EPHB1: variants seen among roughly 807,000 people sequenced by gnomAD.
The protein encoded by EPHB1 is EPH receptor B1.
In EPHB1, 30 loss-of-function variants were observed where a neutral mutation model predicts 94.4. That is an observed-to-expected ratio of 0.32 (90% CI 0.24 to 0.43). EPHB1 has a LOEUF of 0.43. Ranked by LOEUF, EPHB1 falls within the 20% of genes least tolerant of loss-of-function variation. The pLI, the probability that EPHB1 is intolerant of heterozygous loss-of-function variation, is 1.00. For missense variants in EPHB1, 1,055 were observed against 1,308.3 expected (o/e 0.81, Z 2.99); for synonymous variants, 522 against 489.1 (o/e 1.07, Z -0.89).
At chr3:135,071,942 G>T (rs1469716984) in intron 3 of EPHB1, among the ~76,000 whole-genome samples, 1 of 152,116 alleles carries the variant, frequency 6.6e-6, no homozygotes, top group Non-Finnish European at 1.5e-5. Flanking sequence ...TGATTCCTCT[G>T]CTCAACATCT....
intron 1 of EPHB1, among the ~76,000 whole-genome samples, chr3:134,893,113 G>A (rs72986003): frequency 0.017 from 2,582 of 152,156 alleles, 66 homozygotes; most frequent in African/African-American, 0.059. Flanking sequence ...TCCCCAGTAC[G>A]GTCCACCTCC....
chr3:135,178,632 G>T (rs1039710260), intron 9 of EPHB1, among the ~76,000 whole-genome samples: 2 of 152,066 alleles, frequency 1.3e-5, no homozygotes, highest in African/African-American at 4.8e-5. Context: ...GTCAAAACTA[G>T]AGCTGGGGGT....
chr3:135,059,335 C>G (rs1215945956), intron 3 of EPHB1, among the ~76,000 whole-genome samples: 2 of 152,216 alleles, frequency 1.3e-5, no homozygotes, highest in African/African-American at 4.8e-5. Flanking sequence ...ACCATGTTAT[C>G]TGGAATATTA....
chr3:134,949,370 A>G (rs1932927573), intron 2 of EPHB1, among the ~76,000 whole-genome samples: 1 of 152,108 alleles, frequency 6.6e-6, no homozygotes, highest in Non-Finnish European at 1.5e-5. Flanking sequence ...ACGTCACTTT[A>G]CAGACCTGGG....
intron 4 of EPHB1, among the ~76,000 whole-genome samples, chr3:135,121,805 CTTT>C (rs370298819): frequency 2.1e-5 from 3 of 144,390 alleles, no homozygotes; most frequent in Admixed American, 7.0e-5. Flanking sequence ...TGCACAAAGT[CTTT>C]TTTTTTTTTT....
At chr3:135,221,375 A>G (rs1157336770) in intron 12 of EPHB1, among the ~76,000 whole-genome samples, 3 of 152,158 alleles carry the variant, frequency 2.0e-5, no homozygotes, top group Admixed American at 6.5e-5. Flanking sequence ...CTTAAACCTC[A>G]TTATTCATTT....
At chr3:134,812,182 G>A (rs528104920) in intron 1 of EPHB1, among the ~76,000 whole-genome samples, 7 of 152,284 alleles carry the variant, frequency 4.6e-5, no homozygotes, top group African/African-American at 9.6e-5. Flanking sequence ...GTACAATTCC[G>A]TGAGGTTTCA....
At chr3:135,202,104 T>C (rs1396491354) in intron 12 of EPHB1, among the ~76,000 whole-genome samples, 6 of 152,150 alleles carry the variant, frequency 3.9e-5, no homozygotes, top group Admixed American at 3.9e-4. Flanking sequence ...CTTGATCCCC[T>C]TCTCTCTTCT....
At chr3:134,993,284 C>T (rs1319493616) in intron 3 of EPHB1, among the ~76,000 whole-genome samples, 1 of 152,214 alleles carries the variant, frequency 6.6e-6, no homozygotes, top group African/African-American at 2.4e-5. Context: ...ACAGATAGAT[C>T]TCATCCTGGC....
At chr3:135,248,992 A>G (rs540333554) in intron 14 of EPHB1, among the ~76,000 whole-genome samples, 44 of 152,260 alleles carry the variant, frequency 2.9e-4, no homozygotes, top group Non-Finnish European at 5.3e-4. Flanking sequence ...TAAAATATGC[A>G]TATTTTTAAA....
In EPHB1 at chr3:134,795,531, C is replaced by T. The variant is rs115074018; in HGVS notation, c.-101C>T. On this transcript the variant is annotated 5_prime_UTR_variant, in exon 1 of 16. Coordinates refer to ENST00000398015, the MANE Select transcript of EPHB1 (RefSeq NM_004441.5). ...TCCGGGCGAGAGCGCGAAAGGATAC[C>T]GAGAAGCCACCCGCGGAGAGCGCAG... 1.7e-6 allele frequency: 2 copies of T among 1,178,794 alleles called. No individual in the cohort carries two copies. Among genetic ancestry groups the T allele is most frequent in the South Asian group, 1.4e-5 (1 of 70,840 alleles). The allele number at this position is 1,178,794 out of a possible 1,614,324, so 73.0% of individuals were successfully genotyped here.
intron 4 of EPHB1, 59 bp downstream of exon 4, chr3:135,106,662 T>C: frequency 6.2e-7 from 1 of 1,600,808 alleles, no homozygotes; most frequent in Non-Finnish European, 8.6e-7. Flanking sequence ...GTGCAAGTGG[T>C]GGGTCTGGGG....
chr3:134,797,350 A>C (rs747201326), intron 1 of EPHB1, among the ~76,000 whole-genome samples: 22 of 152,010 alleles, frequency 1.4e-4, no homozygotes, highest in African/African-American at 4.1e-4. Flanking sequence ...ATTCAAGGGG[A>C]TATATACCCC....
At chr3:134,853,731 A>G (rs1371535540) in intron 1 of EPHB1, among the ~76,000 whole-genome samples, 1 of 152,208 alleles carries the variant, frequency 6.6e-6, no homozygotes, top group Admixed American at 6.5e-5. Context: ...TAGCACAGCA[A>G]TATTCTTGAG....
intron 3 of EPHB1, among the ~76,000 whole-genome samples, chr3:135,074,953 A>G (rs1937856787): frequency 6.6e-6 from 1 of 152,148 alleles, no homozygotes; most frequent in African/African-American, 2.4e-5. Flanking sequence ...CAAGCAGCTC[A>G]AAAGGACCCC....
Position 134,998,923 on chromosome 3 carries a change from G to C in EPHB1, c.805+46871G>C, listed in dbSNP as rs527312455. Among the ~76,000 whole-genome samples the C allele has an allele frequency of 9.2e-5, 14 of 152,294 alleles. No individual in the cohort carries two copies. The South Asian group carries it at 2.9e-3, about 32-fold the overall frequency. The stretch of plus-strand genomic sequence containing the variant: ...GCTTTGAGGGACATGATGGCGACAG[G>C]AGGAAGAAGATAAGCCAGGAAGGGA... On this transcript the variant is annotated intron_variant, in intron 3 of 15. Coordinates refer to ENST00000398015, the MANE Select transcript of EPHB1 (RefSeq NM_004441.5).
chr3:135,244,462 A>G (rs927431124), intron 13 of EPHB1, among the ~76,000 whole-genome samples: 1 of 152,196 alleles, frequency 6.6e-6, no homozygotes, highest in East Asian at 1.9e-4. Context: ...CCTCTTGTGG[A>G]CCAATGAAAG....
intron 5 of EPHB1, among the ~76,000 whole-genome samples, chr3:135,143,191 G>A (rs2107691071): frequency 6.6e-6 from 1 of 152,210 alleles, no homozygotes; most frequent in African/African-American, 2.4e-5. Context: ...TCAGTAGTCA[G>A]TGGGAAAGTC....
rs191958979 is a variant in EPHB1, at chr3:135,124,797, C to T, written c.962-7917C>T. ...CACATGGCTGTTAGAAAAAGTAGAC[C>T]AACATGATTTCCCTGAGCTTTAATG... On this transcript the variant is annotated intron_variant, in intron 4 of 15. Transcript: ENST00000398015. Among the ~76,000 whole-genome samples the T allele has an allele frequency of 6.7e-4, 102 of 151,514 alleles. No homozygotes were observed. The Middle Eastern group carries it at 0.014, about 20-fold the overall frequency.
Sources: gnomAD v4.1 joint callset for allele counts (sites outside exome capture counted in the v4.1 genomes callset) on GRCh38, gnomAD v4.1.1 for gene constraint, MANE v1.5 for transcripts, NCBI Gene and HGNC (gene_info 2026-07-23, HGNC 2026-07-21) for gene names.